Variants in ADGRL4 observed in about 807,000 individuals in gnomAD.
ADGRL4 encodes the protein EGF, latrophilin and seven transmembrane domain containing 1.
Under a neutral mutation model 74.8 loss-of-function variants are expected in ADGRL4, and 90 were observed. The observed-to-expected ratio is 1.20, with a 90% CI of 1.02 to 1.43. The LOEUF (loss-of-function observed/expected upper bound fraction) is 1.43. ADGRL4 is among the 40% of genes most tolerant of loss of function. ADGRL4 has a pLI of 0.00. For synonymous variants in ADGRL4, 311 were observed against 279.2 expected (o/e 1.11, Z -1.14); for missense variants, 881 against 814.3 (o/e 1.08, Z -1.00).
intron 2 of ADGRL4, among the ~76,000 whole-genome samples, chr1:78,957,521 C>A (rs1168384819): frequency 6.6e-6 from 1 of 152,154 alleles, no homozygotes; most frequent in Non-Finnish European, 1.5e-5. Context: ...AAGAACAAAC[C>A]AGCCACAGCA....
chr1:78,970,502 T>C (rs1327668702), intron 2 of ADGRL4, among the ~76,000 whole-genome samples: 2 of 152,130 alleles, frequency 1.3e-5, no homozygotes, highest in Admixed American at 1.3e-4. Flanking sequence ...TGCAAGCCAC[T>C]TTGGCACCAA....
chr1:78,913,084 G>A (rs1278918293), intron 12 of ADGRL4, among the ~76,000 whole-genome samples: 1 of 151,934 alleles, frequency 6.6e-6, no homozygotes, highest in African/African-American at 2.4e-5. Flanking sequence ...AAACCACAGT[G>A]AGATATCATC....
intron 3 of ADGRL4, among the ~76,000 whole-genome samples, chr1:78,941,294 A>G (rs1027677423): frequency 3.9e-5 from 6 of 152,230 alleles, no homozygotes; most frequent in Non-Finnish European, 7.3e-5. Context: ...CATGAAATCA[A>G]TGAAGTGAGA....
intron 2 of ADGRL4, among the ~76,000 whole-genome samples, chr1:78,951,210 T>C (rs1429338319): frequency 6.6e-6 from 1 of 152,156 alleles, no homozygotes; most frequent in African/African-American, 2.4e-5. Context: ...ATTATTGCAC[T>C]CTTGTTTTGC....
At chr1:78,912,783 G>T (rs1648790589) in intron 12 of ADGRL4, among the ~76,000 whole-genome samples, 1 of 151,684 alleles carries the variant, frequency 6.6e-6, no homozygotes, top group Non-Finnish European at 1.5e-5. Flanking sequence ...AAAAAAAATT[G>T]GCAAATGTGA....
intron 2 of ADGRL4, among the ~76,000 whole-genome samples, chr1:78,973,871 G>A (rs947749571): frequency 7.9e-5 from 12 of 151,856 alleles, no homozygotes; most frequent in Non-Finnish European, 2.9e-5. Context: ...ATATTTTACT[G>A]TTCTAATAAA....
At chr1:78,891,748 C>CAAATTA (rs1648279634) in intron 13 of ADGRL4, 56 bp from the exon 14 acceptor site, 1 of 1,458,274 alleles carries the variant, frequency 6.9e-7, no homozygotes, top group Non-Finnish European at 9.3e-7. Context: ...CAACATATCT[C>CAAATTA]CCAAATTACT....
At chr1:78,919,257 A>G (rs772931157) in intron 10 of ADGRL4, among the ~76,000 whole-genome samples, 2 of 151,926 alleles carry the variant, frequency 1.3e-5, no homozygotes, top group Non-Finnish European at 2.9e-5. Context: ...CACTTCTCCA[A>G]TCTCCAACTG....
intron 2 of ADGRL4, among the ~76,000 whole-genome samples, chr1:78,948,404 CTTAAAAAATTTAAAAT>C (rs1253050345): frequency 7.2e-5 from 11 of 152,116 alleles, no homozygotes; most frequent in Non-Finnish European, 1.5e-4. Context: ...TACACACTCA[CTTAAAAAATTTAAAAT>C]TTAAAAAATT....
chr1:78,914,879 T>C (rs1648837921), intron 12 of ADGRL4, among the ~76,000 whole-genome samples: 1 of 151,774 alleles, frequency 6.6e-6, no homozygotes. Context: ...AGCTGCATGA[T>C]ATAATTTTGG....
chr1:78,967,993 G>A (rs937299611), intron 2 of ADGRL4, among the ~76,000 whole-genome samples: 14 of 152,114 alleles, frequency 9.2e-5, no homozygotes, highest in African/African-American at 3.1e-4. Flanking sequence ...TGCTTGGAGT[G>A]TCCAGAAGAG....
intron 8 of ADGRL4, among the ~76,000 whole-genome samples, chr1:78,923,110 T>C (rs182737260): frequency 6.6e-6 from 1 of 152,016 alleles, no homozygotes; most frequent in Admixed American, 6.6e-5. Flanking sequence ...TCAAGCTATA[T>C]GAAGAAAACT....
chr1:78,912,344 G>A (rs1648778964), intron 12 of ADGRL4, among the ~76,000 whole-genome samples: 1 of 151,836 alleles, frequency 6.6e-6, no homozygotes, highest in Admixed American at 6.6e-5. Context: ...TGAGTTGGAA[G>A]GTCAAAAACA....
At chr1:78,944,866 A>T (rs1487379147) in intron 3 of ADGRL4, among the ~76,000 whole-genome samples, 1 of 152,146 alleles carries the variant, frequency 6.6e-6, no homozygotes, top group Non-Finnish European at 1.5e-5. Flanking sequence ...TTTAACACAG[A>T]CATTTCACAG....
rs751414077 is a variant in ADGRL4, at chr1:78,926,936, G to A, written c.1033C>T (p.Pro345Ser). 2.5e-6 allele frequency: 4 copies of A among 1,612,020 alleles called. No individual in the cohort carries two copies. Among genetic ancestry groups the A allele is most frequent in the Non-Finnish European group, 2.5e-6 (3 of 1,178,896 alleles). ...ATTTTTTCAAGTTCATATAATGTGG[G>A]TGGGTTTGAGCTCATTGAGACTGAA... ...VISVSMSSNP[P>S]TLYELEKITF... is the part of the protein sequence containing the mutation. Residue 345 changes from proline (P) to serine (S), a missense_variant, in exon 8 of 15, where the codon CCC (proline) becomes TCC (serine). Physicochemically the swap from Pro to Ser is moderately conservative, Grantham distance 74. Transcript: ENST00000370742.
At chr1:78,974,925 T>C (rs868492578) in intron 2 of ADGRL4, among the ~76,000 whole-genome samples, 1 of 152,160 alleles carries the variant, frequency 6.6e-6, no homozygotes, top group Non-Finnish European at 1.5e-5. Context: ...TATTTCCCTC[T>C]TGCCATGTAA....
chr1:78,949,985 T>C (rs571831520), intron 2 of ADGRL4, among the ~76,000 whole-genome samples: 1 of 152,242 alleles, frequency 6.6e-6, no homozygotes, highest in African/African-American at 2.4e-5. Flanking sequence ...ACACAGCTCC[T>C]AACTTTAAGG....
At chr1:78,985,394 A>G (rs1488334460) in intron 2 of ADGRL4, among the ~76,000 whole-genome samples, 1 of 151,808 alleles carries the variant, frequency 6.6e-6, no homozygotes, top group Non-Finnish European at 1.5e-5. Flanking sequence ...AATTTTTGCA[A>G]TAAGTATATA....
rs77542400 is a variant in ADGRL4 at position 78,915,923 on chromosome 1, A to G, written c.1749+1711T>C. On this transcript the variant is annotated intron_variant, in intron 12 of 14. Coordinates refer to ENST00000370742, the MANE Select transcript of ADGRL4 (RefSeq NM_022159.4). ...AAAAAAGGTATTATAAAAGATGAGAAATATTTAATTGTAGAGTAAAACTGA... is the reference window on the plus strand; with the variant it reads ...AAAAAAGGTATTATAAAAGATGAGAGATATTTAATTGTAGAGTAAAACTGA... 5.1e-3 allele frequency among the ~76,000 whole-genome samples: 768 copies of G among 151,996 alleles called. 26 individuals carry two copies. The highest frequency in any genetic ancestry group is 0.039 in the Admixed American group (598 of 15,224).
Sources: gnomAD v4.1 joint callset for allele counts (sites outside exome capture counted in the v4.1 genomes callset) on GRCh38, gnomAD v4.1.1 for gene constraint, MANE v1.5 for transcripts, NCBI Gene and HGNC (gene_info 2026-07-23, HGNC 2026-07-21) for gene names.